The following RUVBL1 variants were observed in gnomAD, a reference collection of about 807,000 sequenced individuals.
RUVBL1 encodes ruvB-like 1.
A neutral mutation model predicts 52.4 loss-of-function variants in RUVBL1; 4 were observed. The ratio of observed to expected loss-of-function variants is 0.08; its 90% CI spans 0.04 to 0.17. The LOEUF is 0.17. Among genes scored for constraint, RUVBL1 ranks in the 10% least tolerant of loss-of-function variants. The pLI is 1.00. For missense variants in RUVBL1, 298 were observed against 572.8 expected (o/e 0.52, Z 4.90); for synonymous variants, 217 against 214.4 (o/e 1.01, Z -0.10).
At chr3:128,118,193 C>T (rs1276741481) in intron 2 of RUVBL1, among the ~76,000 whole-genome samples, 1 of 152,060 alleles carries the variant, frequency 6.6e-6, no homozygotes, top group Non-Finnish European at 1.5e-5. Context: ...GCTAATGTTG[C>T]CTGGAGAGAG....
chr3:128,085,789 G>T (rs1287904518), intron 9 of RUVBL1, among the ~76,000 whole-genome samples: 1 of 152,158 alleles, frequency 6.6e-6, no homozygotes, highest in African/African-American at 2.4e-5. Context: ...TGCTCCAAAG[G>T]AAAGGTCCTG....
upstream of RUVBL1, chr3:128,123,936 C>T (rs1285560954): frequency 1.6e-6 from 2 of 1,236,032 alleles, no homozygotes; most frequent in African/African-American, 3.1e-5. Context: ...TCACCCACTT[C>T]CGTCTGTGTC....
At chr3:128,120,885 G>A (rs1372043487) in intron 1 of RUVBL1, among the ~76,000 whole-genome samples, 1 of 151,844 alleles carries the variant, frequency 6.6e-6, no homozygotes, top group African/African-American at 2.4e-5. Context: ...GGAGGCTGAG[G>A]CAGAAGAATG....
At chr3:128,149,404 T>C (rs915804852) in intron 1 of RUVBL1, among the ~76,000 whole-genome samples, 1 of 152,172 alleles carries the variant, frequency 6.6e-6, no homozygotes. Context: ...AGGCTGGTCC[T>C]GAACTTCTGG....
At chr3:128,152,947 C>CG (rs1944262589) in intron 1 of RUVBL1, among the ~76,000 whole-genome samples, 1 of 40,760 alleles carries the variant, frequency 2.5e-5, no homozygotes, top group Non-Finnish European at 4.8e-5. Context: ...CCCCCCCGCC[C>CG]CCGTCTTCCC....
At chr3:128,073,432 G>A (rs1473193837) in intron 9 of RUVBL1, among the ~76,000 whole-genome samples, 1 of 152,190 alleles carries the variant, frequency 6.6e-6, no homozygotes, top group Admixed American at 6.5e-5. Flanking sequence ...TCATTTCTGA[G>A]GGGTCTGAGC....
Position 128,082,462 on chromosome 3 carries a change from G to C in RUVBL1, c.1211+21C>G. ...CTGGCTGTGCTGGGGAGGCCCCGGC[G>C]GGCCCAGGGTACCAGCTCACCTCAG... On this transcript the variant is annotated intron_variant, in intron 10 of 10. Transcript: ENST00000322623. This position sits in a 1 kb window ranked among gnomAD's most constrained non-coding sequence, Gnocchi z 4.7. 1 of 1,600,698 alleles carries C rather than the reference G, an allele frequency of 6.2e-7. No homozygotes were observed. The highest frequency in any genetic ancestry group is 8.6e-7 in the Non-Finnish European group (1 of 1,168,592).
intron 1 of RUVBL1, among the ~76,000 whole-genome samples, chr3:128,150,485 A>T (rs1380247111): frequency 6.9e-6 from 1 of 144,964 alleles, no homozygotes; most frequent in African/African-American, 2.6e-5. Context: ...ATATTCCATT[A>T]TATATATATA....
intron 8 of RUVBL1, among the ~76,000 whole-genome samples, chr3:128,088,942 T>C (rs1309434457): frequency 1.3e-5 from 2 of 152,230 alleles, no homozygotes; most frequent in Admixed American, 1.3e-4. Flanking sequence ...GTTGTAGTGC[T>C]TGACAGAACC....
chr3:128,073,786 A>T (rs1942236145), intron 9 of RUVBL1, among the ~76,000 whole-genome samples: 1 of 152,228 alleles, frequency 6.6e-6, no homozygotes, highest in African/African-American at 2.4e-5. Flanking sequence ...TGTCTGCCTG[A>T]CAAGCTCCTG....
Position 128,100,718 on chromosome 3 carries a change from G to A in RUVBL1, c.630C>T (p.Ala210=), listed in dbSNP as rs182492232. 6.2e-7 allele frequency: 1 copy of A among 1,613,600 alleles called. No individual in the cohort carries two copies. Among genetic ancestry groups the A allele is most frequent in the African/African-American group, 1.3e-5 (1 of 74,966 alleles). Residue 210 remains alanine (A), a synonymous_variant, in exon 6 of 11, where the codon GCC becomes GCT. Coordinates refer to ENST00000322623, the MANE Select transcript of RUVBL1 (RefSeq NM_003707.3). ...VKRQGRCDTY[A]TEFDLEAEEY... ...CTTCAGCTTCAAGGTCGAATTCTGT[G>A]GCATAGGTATCACACCTGCCCTGCC...
At chr3:128,089,769 G>C (rs1942774134) in intron 8 of RUVBL1, among the ~76,000 whole-genome samples, 2 of 151,994 alleles carry the variant, frequency 1.3e-5, no homozygotes, top group African/African-American at 4.8e-5. Context: ...AATTAGCCAG[G>C]CCTGGTGGTG....
chr3:128,075,149 C>G (rs542142422), intron 9 of RUVBL1: 1 of 152,340 alleles, frequency 6.6e-6, no homozygotes, highest in East Asian at 1.9e-4. Context: ...CCTATTCCAT[C>G]TCCCTGCTCC....
chr3:128,150,841 A>ATATAT (rs1424398871), intron 1 of RUVBL1, among the ~76,000 whole-genome samples: 15 of 80,128 alleles, frequency 1.9e-4, no homozygotes, highest in South Asian at 7.8e-4. Context: ...TATATATTCT[A>ATATAT]TATATATTCT....
chr3:128,089,933 A>C (rs1007610185), intron 8 of RUVBL1, among the ~76,000 whole-genome samples: 3 of 148,768 alleles, frequency 2.0e-5, no homozygotes, highest in East Asian at 1.9e-4. Flanking sequence ...AAAAAAAAAA[A>C]AAAAAAACAC....
intron 1 of RUVBL1, among the ~76,000 whole-genome samples, chr3:128,151,617 G>A (rs1182617673): frequency 6.6e-6 from 1 of 151,914 alleles, no homozygotes; most frequent in Non-Finnish European, 1.5e-5. Flanking sequence ...GTGGGAAAAC[G>A]GAAACAAAGA....
At chr3:128,131,168 A>T (rs548459850) in intron 1 of RUVBL1, among the ~76,000 whole-genome samples, 15 of 152,272 alleles carry the variant, frequency 9.9e-5, no homozygotes, top group Admixed American at 2.6e-4. Flanking sequence ...AATGCATTCT[A>T]TGAGGCCAGT....
chr3:128,129,807 T>C (rs1042300532), intron 1 of RUVBL1, among the ~76,000 whole-genome samples: 2 of 152,058 alleles, frequency 1.3e-5, no homozygotes, highest in Non-Finnish European at 1.5e-5. Flanking sequence ...TATGAGGAAG[T>C]AGTTAAATTC....
rs934315994 is a variant in RUVBL1, at chr3:128,153,637, G to C, written c.-474C>G. 7 of 1,598,158 alleles carry C rather than the reference G, an allele frequency of 4.4e-6. No individual in the cohort carries two copies. The African/African-American group carries it at 6.8e-5, about 16-fold the overall frequency. ...CTTTGACAAGCAGCCGCAGAGCCGC[G>C]AGCGCGGCATCACGCTCGATCTGGG... On this transcript the variant is annotated 5_prime_UTR_variant, in exon 1 of 10. Transcript: ENST00000464873.
Sources: gnomAD v4.1 joint callset for allele counts (sites outside exome capture counted in the v4.1 genomes callset) on GRCh38, gnomAD v4.1.1 for gene constraint, Gnocchi (gnomAD v3.1) non-coding constraint, MANE v1.5 for transcripts, NCBI Gene and HGNC (gene_info 2026-07-23, HGNC 2026-07-21) for gene names.